Variants in KCNMB2 observed in about 807,000 individuals in gnomAD.
KCNMB2 encodes calcium-activated potassium channel subunit beta-2.
In KCNMB2, 9 loss-of-function variants were observed where a neutral mutation model predicts 24.5. The ratio of observed to expected loss-of-function variants is 0.37; its 90% CI spans 0.22 to 0.64. The LOEUF (loss-of-function observed/expected upper bound fraction) is 0.64. Ranked by LOEUF, KCNMB2 falls within the 30% of genes least tolerant of loss-of-function variation. KCNMB2 has a pLI of 0.63. For missense variants in KCNMB2, 226 were observed against 284.3 expected, an observed-to-expected ratio of 0.79 and a Z score of 1.47; for synonymous variants, 109 against 104.4, an observed-to-expected ratio of 1.04 and a Z score of -0.27.
chr3:178,680,678 G>A lies in KCNMB2; in HGVS notation c.-67-126665G>A, dbSNP rs114271518. Among the ~76,000 whole-genome samples, 494 of 152,214 alleles carry A rather than the reference G, an allele frequency of 3.2e-3. 3 individuals carry two copies. Among genetic ancestry groups the A allele is most frequent in the African/African-American group, 0.012 (484 of 41,534 alleles). On this transcript the variant is annotated intron_variant, in intron 1 of 4. Transcript: ENST00000452583. The stretch of plus-strand genomic sequence containing the variant: ...GCAACTGTACAGATCTAGTCTAGGT[G>A]TACACAAGGGACACCACGCTCTCCT...
chr3:178,812,531 CTT>C (rs1714236673), intron 2 of KCNMB2, among the ~76,000 whole-genome samples: 1 of 151,904 alleles, frequency 6.6e-6, no homozygotes, highest in Non-Finnish European at 1.5e-5. Flanking sequence ...TTTTGGAACA[CTT>C]TGAAATCCCG....
At chr3:178,725,482 G>C (rs906612568) in intron 1 of KCNMB2, among the ~76,000 whole-genome samples, 2 of 151,986 alleles carry the variant, frequency 1.3e-5, no homozygotes, top group African/African-American at 4.8e-5. Context: ...TCCTAGACTT[G>C]ATAAACAACT....
intron 1 of KCNMB2, among the ~76,000 whole-genome samples, chr3:178,729,003 T>C (rs1723054949): frequency 2.0e-5 from 3 of 152,168 alleles, no homozygotes; most frequent in Non-Finnish European, 1.5e-5. Context: ...TGTGTTACTC[T>C]GGCCTATCAC....
intron 4 of KCNMB2, among the ~76,000 whole-genome samples, chr3:178,829,912 A>G (rs1714990231): frequency 6.6e-6 from 1 of 152,128 alleles, no homozygotes; most frequent in Admixed American, 6.6e-5. Flanking sequence ...GTAAATTATA[A>G]CATACAGAAC....
chr3:178,540,970 CA>C (rs1715597775), intron 1 of KCNMB2, among the ~76,000 whole-genome samples: 1 of 152,142 alleles, frequency 6.6e-6, no homozygotes, highest in African/African-American at 2.4e-5. Flanking sequence ...GAGCAATTGT[CA>C]AACGAATGAA....
intron 1 of KCNMB2, among the ~76,000 whole-genome samples, chr3:178,558,043 G>T (rs952317494): frequency 1.3e-5 from 2 of 152,056 alleles, no homozygotes; most frequent in Non-Finnish European, 2.9e-5. Flanking sequence ...TCTGTAAATT[G>T]GTTTTAGCTC....
intron 1 of KCNMB2, among the ~76,000 whole-genome samples, chr3:178,577,694 T>A (rs1260276813): frequency 6.6e-6 from 1 of 152,092 alleles, no homozygotes; most frequent in African/African-American, 2.4e-5. Flanking sequence ...TTAGAGAAGA[T>A]GGAGCTGAAA....
chr3:178,777,788 G>C (rs1712643917), intron 1 of KCNMB2, among the ~76,000 whole-genome samples: 1 of 152,192 alleles, frequency 6.6e-6, no homozygotes, highest in Non-Finnish European at 1.5e-5. Context: ...ACAGTAAATA[G>C]GTGCTTATAG....
chr3:178,628,562 G>C (rs1001645395), intron 1 of KCNMB2, among the ~76,000 whole-genome samples: 10 of 152,096 alleles, frequency 6.6e-5, no homozygotes, highest in African/African-American at 2.4e-4. Flanking sequence ...AAACTATACA[G>C]AAAATGATGG....
At chr3:178,569,577 A>G (rs536783587) in intron 1 of KCNMB2, among the ~76,000 whole-genome samples, 55 of 152,240 alleles carry the variant, frequency 3.6e-4, no homozygotes, top group African/African-American at 1.3e-3. Flanking sequence ...GTTGTTTACA[A>G]CCGCCGGACT....
chr3:178,755,974 G>A (rs151162823), intron 1 of KCNMB2, among the ~76,000 whole-genome samples: 100 of 152,234 alleles, frequency 6.6e-4, no homozygotes, highest in African/African-American at 2.3e-3. Flanking sequence ...CAGGGTTCAG[G>A]CACTGCTGAG....
At chr3:178,615,282 C>T (rs1718664564) in intron 1 of KCNMB2, among the ~76,000 whole-genome samples, 1 of 152,174 alleles carries the variant, frequency 6.6e-6, no homozygotes, top group South Asian at 2.1e-4. Context: ...TGGCTACTGC[C>T]TATGTTCACT....
intron 2 of KCNMB2, among the ~76,000 whole-genome samples, chr3:178,817,738 G>A (rs1463022315): frequency 2.0e-5 from 3 of 152,196 alleles, no homozygotes; most frequent in African/African-American, 7.2e-5. Context: ...CTGATGGGAA[G>A]ATAGAAACTG....
chr3:178,780,389 C>T (rs1401664769), intron 1 of KCNMB2, among the ~76,000 whole-genome samples: 1 of 152,154 alleles, frequency 6.6e-6, no homozygotes, highest in African/African-American at 2.4e-5. Context: ...TGCACTTCAC[C>T]CCAACACCAT....
At chr3:178,607,524 G>A (rs1408361820) in intron 1 of KCNMB2, among the ~76,000 whole-genome samples, 1 of 152,094 alleles carries the variant, frequency 6.6e-6, no homozygotes, top group African/African-American at 2.4e-5. Context: ...TGTAGGCATT[G>A]TATCTTATCT....
chr3:178,759,920 A>ATC (rs1367465459), intron 1 of KCNMB2, among the ~76,000 whole-genome samples: 1 of 43,622 alleles, frequency 2.3e-5, no homozygotes, highest in Non-Finnish European at 3.6e-5. Context: ...ATATATATAT[A>ATC]TCCAAGAGGA....
intron 1 of KCNMB2, among the ~76,000 whole-genome samples, chr3:178,790,957 AC>A (rs1288172945): frequency 6.6e-6 from 1 of 152,244 alleles, no homozygotes; most frequent in Non-Finnish European, 1.5e-5. Context: ...TTAGATCACA[AC>A]ACTTCATTCC....
chr3:178,754,195 C>CATATATATAT (rs144108176), intron 1 of KCNMB2, among the ~76,000 whole-genome samples: 278 of 137,458 alleles, frequency 2.0e-3, no homozygotes, highest in Middle Eastern at 7.4e-3. Flanking sequence ...CACACACATA[C>CATATATATAT]ATATATATAT....
chr3:178,833,083 A>ATCTTG (rs374243725), intron 4 of KCNMB2, among the ~76,000 whole-genome samples: 30 of 22,980 alleles, frequency 1.3e-3, no homozygotes, highest in African/African-American at 2.8e-3. Context: ...GCCAGGTACA[A>ATCTTG]GCCATTCAGG....
Sources: allele counts gnomAD v4.1 joint callset (sites outside exome capture counted in the v4.1 genomes callset), GRCh38; gene constraint gnomAD v4.1.1; transcripts MANE v1.5; gene names NCBI Gene and HGNC (gene_info 2026-07-23, HGNC 2026-07-21).